LRRCC1: variants seen among roughly 807,000 people sequenced by gnomAD.
LRRCC1 encodes the protein leucine rich repeat and coiled-coil centrosomal protein 1.
Under a neutral mutation model 126.0 loss-of-function variants are expected in LRRCC1, and 115 were observed. That is an observed-to-expected ratio of 0.91 (90% CI 0.78 to 1.07). The LOEUF (loss-of-function observed/expected upper bound fraction) is 1.07. Among genes scored for constraint, LRRCC1 ranks in the 50% least tolerant of loss-of-function variants. The pLI, the probability that LRRCC1 is intolerant of heterozygous loss-of-function variation, is 0.00. For missense variants in LRRCC1, 1,172 were observed against 1,175.7 expected (o/e 1.00, Z 0.05); for synonymous variants, 400 against 393.4 (o/e 1.02, Z -0.20).
In LRRCC1 at chr8:85,138,039, T is replaced by C. The variant is rs765912945; in HGVS notation, c.2498T>C (p.Leu833Ser). 5.2e-6 allele frequency: 8 copies of C among 1,534,826 alleles called. No individual in the cohort carries two copies. Among genetic ancestry groups the C allele is most frequent in the Non-Finnish European group, 7.0e-6 (8 of 1,139,192 alleles). The change falls in exon 16 of 19, where the codon TTA becomes TCA. Residue 833 changes from leucine (L) to serine (S), a missense_variant. Leu to Ser is a moderately radical substitution (Grantham distance 145). Transcript: ENST00000360375. ...GTGCCAATTTTTTTCTTAAAGTGTT[T>C]ACAAGAAAAAGATGAACACATCAAA... is the stretch of plus-strand genomic sequence containing the variant. ...TETIRKLKDC[L>S]QEKDEHIKRL... is the part of the protein sequence containing the mutation.
At chr8:85,136,952 A>G (rs1282751957) in intron 14 of LRRCC1, among the ~76,000 whole-genome samples, 3 of 151,958 alleles carry the variant, frequency 2.0e-5, no homozygotes, top group South Asian at 2.1e-4. Flanking sequence ...ATCCTCCCCA[A>G]TAGCTGGGAT....
chr8:85,141,240 A>G (rs1811228966), intron 17 of LRRCC1, 142 bp from the exon 18 acceptor site: 7 of 587,488 alleles, frequency 1.2e-5, no homozygotes, highest in Non-Finnish European at 2.0e-5. Flanking sequence ...TAGTTACCCT[A>G]TAATAGCCTT....
chr8:85,137,432 A>G (rs1810949055), intron 14 of LRRCC1, 32 bp from the exon 15 acceptor site: 2 of 1,481,356 alleles, frequency 1.4e-6, no homozygotes, highest in Non-Finnish European at 9.0e-7. Flanking sequence ...AAGGTGTTTC[A>G]AAGTATGTAA....
chr8:85,138,071 CAAGAA>C lies in LRRCC1; in HGVS notation c.2535_2539del (p.Glu845AspfsTer13). 6.3e-7 allele frequency: 1 copy of C among 1,589,326 alleles called. No individual in the cohort carries two copies. Among genetic ancestry groups the C allele is most frequent in the Non-Finnish European group, 8.6e-7 (1 of 1,167,914 alleles). ...AAAAGATGAACACATCAAAAGATTA[CAAGAA>C]AAGATCACAGAAATAGAAAAATGCA... On this transcript the variant is annotated frameshift_variant, in exon 16 of 19. Coordinates refer to ENST00000360375, the MANE Select transcript of LRRCC1 (RefSeq NM_033402.5). LOFTEE classifies it high-confidence loss of function.
At position 85,135,852 on chromosome 8, in the gene LRRCC1, C is replaced by A; in HGVS notation, c.2218C>A (p.Leu740Ile). Residue 740 changes from leucine to isoleucine, a missense_variant, in exon 14 of 19, where the codon CTT (leucine) becomes ATT (isoleucine). Leu to Ile is a conservative substitution (Grantham distance 5). Coordinates refer to ENST00000360375, the MANE Select transcript of LRRCC1 (RefSeq NM_033402.5). ...CAAGCAGAAGAGTATTCAAATAGAA[C>A]TTCTCAAGCACGAAAAAGTCCAGCT... ...DDKQKSIQIE[L>I]LKHEKVQLIS... The A allele has an allele frequency of 6.2e-7, 1 of 1,603,734 alleles. No individual in the cohort carries two copies. The highest frequency in any genetic ancestry group is 8.5e-7 in the Non-Finnish European group (1 of 1,174,692).
chr8:85,124,654 AGTTTGTCCAAGTTAC>A lies in LRRCC1; in HGVS notation c.1125-137_1125-123del, dbSNP rs1587401301. 3 of 462,086 alleles carry A rather than the reference AGTTTGTCCAAGTTAC, an allele frequency of 6.5e-6. No individual in the cohort carries two copies. The East Asian group carries it at 1.1e-4, about 17-fold the overall frequency. 28.6% of individuals were successfully genotyped at this position (462,086 alleles called of 1,614,324 possible). On this transcript the variant is annotated intron_variant, in intron 7 of 18. Transcript: ENST00000360375. ...ACACCCATTATAAAATTTATGAAGCAGTTTGTCCAAGTTACTATAATTTTATTAATATTCTTTTTA... is the reference window on the plus strand; with the variant it reads ...ACACCCATTATAAAATTTATGAAGCATATAATTTTATTAATATTCTTTTTA...
At chr8:85,112,670 A>G (rs1162936029) in intron 3 of LRRCC1, among the ~76,000 whole-genome samples, 1 of 152,176 alleles carries the variant, frequency 6.6e-6, no homozygotes, top group Admixed American at 6.6e-5. Context: ...CACCTGGGGA[A>G]GTTCTTTTGA....
Position 85,107,332 on chromosome 8 carries a change from G to C in LRRCC1, c.37G>C (p.Glu13Gln). 1 of 1,613,732 alleles carries C rather than the reference G, an allele frequency of 6.2e-7. No homozygotes were observed. The highest frequency in any genetic ancestry group is 1.1e-5 in the South Asian group (1 of 91,058). The change falls in exon 1 of 19, where the codon GAA (glutamate) becomes CAA (glutamine). Residue 13 changes from glutamate (E) to glutamine (Q), a missense_variant. Physicochemically the swap from Glu to Gln is conservative, Grantham distance 29. Transcript: ENST00000360375. ...GGCGGCGGTGGTGGCGGCAGAGGCG[G>C]AAGTGGAAAACGAAGACGGCGACAG... ...AAAAVVAAEA[E>Q]VENEDGDSSC...
rs201654024 is a variant in LRRCC1 at position 85,135,785 on chromosome 8, A to G, written c.2155-4A>G. The G allele has an allele frequency of 1.4e-6, 2 of 1,475,304 alleles. No individual in the cohort carries two copies. The highest frequency in any genetic ancestry group is 2.5e-5 in the East Asian group (1 of 40,432). 91.4% of individuals were successfully genotyped at this position (1,475,304 alleles called of 1,614,324 possible). Reference sequence around the variant, plus strand: ...TTCTTATTTTTTTTTTTGGGAATATACAGAATCAAATCAACACCCTTGAAA... The same window carrying G: ...TTCTTATTTTTTTTTTTGGGAATATGCAGAATCAAATCAACACCCTTGAAA... On this transcript the variant is annotated splice_polypyrimidine_tract_variant and splice_region_variant and intron_variant, in intron 13 of 18. Coordinates refer to ENST00000360375, the MANE Select transcript of LRRCC1 (RefSeq NM_033402.5).
At chr8:85,127,262 C>G (rs548889623) in intron 9 of LRRCC1, among the ~76,000 whole-genome samples, 1 of 151,988 alleles carries the variant, frequency 6.6e-6, no homozygotes. Context: ...TGTTTTTATT[C>G]TATCCTCACC....
At chr8:85,117,133 T>C (rs1809184851) in intron 6 of LRRCC1, among the ~76,000 whole-genome samples, 1 of 152,208 alleles carries the variant, frequency 6.6e-6, no homozygotes, top group Non-Finnish European at 1.5e-5. Context: ...CATTTTATTC[T>C]CATGACAGCC....
At chr8:85,139,028 A>G (rs1241299916) in intron 17 of LRRCC1, among the ~76,000 whole-genome samples, 1 of 152,142 alleles carries the variant, frequency 6.6e-6, no homozygotes, top group Non-Finnish European at 1.5e-5. Flanking sequence ...CCTGGGCAAC[A>G]AGAGCGAAAC....
chr8:85,115,664 AC>A, intron 6 of LRRCC1, 80 bp downstream of exon 6: 1 of 997,284 alleles, frequency 1.0e-6, no homozygotes, highest in Non-Finnish European at 1.5e-6. Context: ...AAAATTATGT[AC>A]TAGCTGACCA....
intron 17 of LRRCC1, among the ~76,000 whole-genome samples, chr8:85,139,177 G>GGGTCTCCTGGCA (rs1811080104): frequency 6.6e-6 from 1 of 152,228 alleles, no homozygotes; most frequent in South Asian, 2.1e-4. Context: ...GAGACTGCCA[G>GGGTCTCCTGGCA]TTGACTACCA....
At chr8:85,134,243 A>C (rs1393158579) in intron 12 of LRRCC1, among the ~76,000 whole-genome samples, 1 of 152,218 alleles carries the variant, frequency 6.6e-6, no homozygotes, top group Non-Finnish European at 1.5e-5. Flanking sequence ...ATAATTTATT[A>C]TGCTTGTTGT....
Position 85,138,185 on chromosome 8 carries a change from C to T in LRRCC1, c.2644C>T (p.Leu882=), listed in dbSNP as rs751660410. The T allele has an allele frequency of 6.2e-7, 1 of 1,611,900 alleles. No individual in the cohort carries two copies. Residue 882 remains leucine, a synonymous_variant, in exon 16 of 19, where the codon CTA becomes TTA. Transcript: ENST00000360375. ...LERHNERKEK[L]KQQLKGKEVE... ...AAGGCACAATGAAAGAAAAGAAAAA[C>T]TAAAACAACAGTTGAAAGGAAAGGA...
chr8:85,138,518 A>G (rs1811033735), intron 17 of LRRCC1, 43 bp downstream of exon 17: 1 of 1,565,858 alleles, frequency 6.4e-7, no homozygotes, highest in Admixed American at 1.9e-5. Flanking sequence ...CCTTAATCGT[A>G]AACACTGTGG....
In LRRCC1 at chr8:85,115,383, T is replaced by C. The variant is rs759665297; in HGVS notation, c.729T>C (p.Asp243=). The part of the protein sequence containing the change: ...PLNISEDEII[D]RMPVITAPID... ...TTGTTTCTGTGTCATAGATCATTGA[T>C]AGAATGCCAGTGATAACAGCACCTA... Residue 243 remains aspartate (D), a synonymous_variant, in exon 6 of 19, where the codon GAT becomes GAC. Transcript: ENST00000360375. 9 of 1,612,244 alleles carry C rather than the reference T, an allele frequency of 5.6e-6. No individual in the cohort carries two copies. The highest frequency in any genetic ancestry group is 5.5e-5 in the South Asian group (5 of 90,956).
chr8:85,117,320 A>G (rs1405899602), intron 6 of LRRCC1, among the ~76,000 whole-genome samples: 1 of 152,196 alleles, frequency 6.6e-6, no homozygotes, highest in Non-Finnish European at 1.5e-5. Flanking sequence ...TTATGGTGCT[A>G]GTTCTTTCTA....
Sources: gnomAD v4.1 joint callset for allele counts (sites outside exome capture counted in the v4.1 genomes callset) on GRCh38, gnomAD v4.1.1 for gene constraint, MANE v1.5 for transcripts, NCBI Gene and HGNC (gene_info 2026-07-23, HGNC 2026-07-21) for gene names.